DAP: variants seen among roughly 807,000 people sequenced by gnomAD.
DAP encodes death associated protein, also known as death-associated protein 1.
DAP carries 8 observed loss-of-function variants against 13.8 expected under a neutral mutation model. The observed-to-expected ratio is 0.58, with a 90% CI of 0.34 to 1.05. The LOEUF (loss-of-function observed/expected upper bound fraction) is 1.05. Ranked by LOEUF, DAP falls within the 50% of genes least tolerant of loss-of-function variation. The pLI is 0.03. For missense variants in DAP, 106 were observed against 133.2 expected (o/e 0.80, Z 1.01); for synonymous variants, 47 against 47.5 (o/e 0.99, Z 0.04).
intron 2 of DAP, among the ~76,000 whole-genome samples, chr5:10,693,419 C>T (rs1477418388): frequency 6.6e-6 from 1 of 152,050 alleles, no homozygotes; most frequent in Non-Finnish European, 1.5e-5. Context: ...CTCTATTTTC[C>T]CTAAAGGATA....
chr5:10,733,576 C>A (rs754480957), intron 2 of DAP, among the ~76,000 whole-genome samples: 4 of 152,146 alleles, frequency 2.6e-5, no homozygotes, highest in Admixed American at 6.5e-5. Flanking sequence ...TAGAACACCA[C>A]CCTTGATACT....
intron 1 of DAP, among the ~76,000 whole-genome samples, chr5:10,750,568 C>G (rs1740022685): frequency 6.6e-6 from 1 of 152,154 alleles, no homozygotes; most frequent in African/African-American, 2.4e-5. Context: ...GCTCTATATC[C>G]CATCAATTGA....
At chr5:10,750,619 C>T (rs1034700631) in intron 1 of DAP, among the ~76,000 whole-genome samples, 2 of 152,200 alleles carry the variant, frequency 1.3e-5, no homozygotes, top group African/African-American at 4.8e-5. Context: ...GCTTTTGTCT[C>T]AAATTCACCA....
intron 1 of DAP, among the ~76,000 whole-genome samples, chr5:10,748,868 A>C (rs1247358834): frequency 6.6e-6 from 1 of 152,222 alleles, no homozygotes; most frequent in African/African-American, 2.4e-5. Flanking sequence ...TCATTCATTT[A>C]AACTGTATAA....
rs1390299235 is a variant in DAP, at chr5:10,679,799, A to C, written c.*1257T>G. 6.6e-6 allele frequency: 1 copy of C among 152,404 alleles called. No homozygotes were observed. Among genetic ancestry groups the C allele is most frequent in the Non-Finnish European group, 1.5e-5 (1 of 68,058 alleles). 9.4% of individuals were successfully genotyped at this position (152,404 alleles called of 1,614,324 possible). A position where few individuals can be genotyped will look rare whatever the true frequency, so the allele number is the denominator to read the frequency against. On this transcript the variant is annotated 3_prime_UTR_variant, in exon 4 of 4. Coordinates refer to ENST00000230895, the MANE Select transcript of DAP (RefSeq NM_004394.3). The stretch of plus-strand genomic sequence containing the variant: ...TCACCAGCTGGCAGACGTGAACTGG[A>C]GAACAGCACCAGAAAGGCTGGTGGT...
chr5:10,758,654 T>C lies in DAP; in HGVS notation c.55+2360A>G, dbSNP rs541591844. ...CTGCAGCAAACACAGCCCCACCCTGTGACTTGCCCCGAGGCCCAAACCTCG... is the reference window on the plus strand; with the variant it reads ...CTGCAGCAAACACAGCCCCACCCTGCGACTTGCCCCGAGGCCCAAACCTCG... On this transcript the variant is annotated intron_variant, in intron 1 of 3. Coordinates refer to ENST00000230895, the MANE Select transcript of DAP (RefSeq NM_004394.3). Among the ~76,000 whole-genome samples the C allele has an allele frequency of 5.6e-4, 85 of 152,298 alleles. 1 individual carries two copies. The highest frequency in any genetic ancestry group is 2.1e-4 in the Non-Finnish European group (14 of 68,032).
chr5:10,719,325 C>G (rs549548059), intron 2 of DAP, among the ~76,000 whole-genome samples: 266 of 152,364 alleles, frequency 1.7e-3, no homozygotes, highest in African/African-American at 6.0e-3. Context: ...GTCCAGGCTG[C>G]TATGCAAGCT....
rs369118832 is a variant in DAP at position 10,743,519 on chromosome 5, G to GT, written c.152+4655dup. Among the ~76,000 whole-genome samples, 684 of 152,198 alleles carry GT rather than the reference G, an allele frequency of 4.5e-3. 4 individuals are homozygous for GT. Among genetic ancestry groups the GT allele is most frequent in the African/African-American group, 0.015 (630 of 41,538 alleles). The stretch of plus-strand genomic sequence containing the variant: ...CCACCACTTGTCAGTGACCAAACCC[G>GT]TTCTTTTCTGGTTTACCCCTCCTGT... On this transcript the variant is annotated intron_variant, in intron 2 of 3. Coordinates refer to ENST00000230895, the MANE Select transcript of DAP (RefSeq NM_004394.3).
chr5:10,679,739 A>T lies in DAP; in HGVS notation c.*1317T>A, dbSNP rs1298547566. On this transcript the variant is annotated 3_prime_UTR_variant, in exon 4 of 4. Coordinates refer to ENST00000230895, the MANE Select transcript of DAP (RefSeq NM_004394.3). Reference sequence around the variant, plus strand: ...GCTGTGCCATGCTCCCTCAGGGAGGAGGGGCGCTGGGTCTGACCAGGTCTG... The same window carrying T: ...GCTGTGCCATGCTCCCTCAGGGAGGTGGGGCGCTGGGTCTGACCAGGTCTG... The T allele has an allele frequency of 6.6e-6, 1 of 152,422 alleles. No homozygotes were observed. The highest frequency in any genetic ancestry group is 6.5e-5 in the Admixed American group (1 of 15,284). 9.4% of individuals were successfully genotyped at this position (152,422 alleles called of 1,614,324 possible). A position where few individuals can be genotyped will look rare whatever the true frequency, so the allele number is the denominator to read the frequency against.
rs374505765 is a variant in DAP, at chr5:10,681,024, G to A, written c.*32C>T. 45 of 1,567,380 alleles carry A rather than the reference G, an allele frequency of 2.9e-5. No individual in the cohort carries two copies. The highest frequency in any genetic ancestry group is 2.6e-4 in the African/African-American group (19 of 74,160). On this transcript the variant is annotated 3_prime_UTR_variant, in exon 4 of 4. Transcript: ENST00000230895. ...GGGAAATACCAAGTGCAGCAGAGCC[G>A]GGGCCATGGGGCAGGCTGGTGGACT...
intron 2 of DAP, among the ~76,000 whole-genome samples, chr5:10,706,867 A>G (rs1030682983): frequency 1.3e-5 from 2 of 152,142 alleles, no homozygotes; most frequent in African/African-American, 4.8e-5. Context: ...AGCCCAGAAA[A>G]ACCCGATGCA....
chr5:10,698,414 C>A (rs1405879655), intron 2 of DAP, among the ~76,000 whole-genome samples: 1 of 152,026 alleles, frequency 6.6e-6, no homozygotes, highest in East Asian at 1.9e-4. Flanking sequence ...AACAACCCTA[C>A]CTTCACCCAC....
intron 2 of DAP, among the ~76,000 whole-genome samples, chr5:10,690,858 C>A (rs767864971): frequency 1.3e-5 from 2 of 152,216 alleles, no homozygotes; most frequent in African/African-American, 4.8e-5. Context: ...GAATCACCAA[C>A]CTGTTTTCCA....
At chr5:10,722,031 A>G (rs1380299883) in intron 2 of DAP, among the ~76,000 whole-genome samples, 2 of 152,190 alleles carry the variant, frequency 1.3e-5, no homozygotes, top group Admixed American at 1.3e-4. Context: ...AGGTGTAATT[A>G]TGATCTTATT....
At chr5:10,708,313 C>A (rs1020773471) in intron 2 of DAP, among the ~76,000 whole-genome samples, 8 of 151,590 alleles carry the variant, frequency 5.3e-5, no homozygotes, top group African/African-American at 2.0e-4. Flanking sequence ...CATAGAGACA[C>A]ACAGACACAG....
intron 2 of DAP, among the ~76,000 whole-genome samples, chr5:10,739,744 C>A (rs1442074315): frequency 6.6e-6 from 1 of 151,446 alleles, no homozygotes; most frequent in African/African-American, 2.4e-5. Flanking sequence ...ACTTAAGCAG[C>A]AATACAGCCC....
chr5:10,702,639 A>G (rs62337576), intron 2 of DAP, among the ~76,000 whole-genome samples: 9,525 of 152,280 alleles, frequency 0.063, 329 homozygotes, highest in African/African-American at 0.083. Context: ...GATAAGCACA[A>G]TTAGCTAGAG....
Position 10,683,565 on chromosome 5 carries a change from AGGT to A in DAP, c.156_158del (p.Pro53del). 1 of 1,614,082 alleles carries A rather than the reference AGGT, an allele frequency of 6.2e-7. No homozygotes were observed. Among genetic ancestry groups the A allele is most frequent in the Non-Finnish European group, 8.5e-7 (1 of 1,179,970 alleles). ...CCCCAGAGATGAACACAGTGGGTTT[AGGT>A]GGACTGGAAAAAAAGAAGGGAAAAG... On this transcript the variant is annotated inframe_deletion, in exon 3 of 4. Coordinates refer to ENST00000230895, the MANE Select transcript of DAP (RefSeq NM_004394.3).
At chr5:10,750,214 G>A (rs542158406) in intron 1 of DAP, among the ~76,000 whole-genome samples, 55 of 152,250 alleles carry the variant, frequency 3.6e-4, no homozygotes, top group Non-Finnish European at 5.7e-4. Context: ...GCCGAGTCAC[G>A]AAAACCCAGG....
Sources: allele counts gnomAD v4.1 joint callset (sites outside exome capture counted in the v4.1 genomes callset), GRCh38; gene constraint gnomAD v4.1.1; transcripts MANE v1.5; gene names NCBI Gene and HGNC (gene_info 2026-07-23, HGNC 2026-07-21).